The following EXT2 variants were observed in gnomAD, a reference collection of about 807,000 sequenced individuals.
EXT2 encodes exostosin-2.
In EXT2, 53 loss-of-function variants were observed where a neutral mutation model predicts 81.6. That is an observed-to-expected ratio of 0.65 (90% CI 0.52 to 0.82). EXT2 has a LOEUF of 0.82. Among genes scored for constraint, EXT2 ranks in the 40% least tolerant of loss-of-function variants. EXT2 has a pLI of 0.00. For missense variants in EXT2, 774 were observed against 910.2 expected, an observed-to-expected ratio of 0.85 and a Z score of 1.93; for synonymous variants, 320 against 340.0, an observed-to-expected ratio of 0.94 and a Z score of 0.65.
chr11:44,121,182 C>T (rs975278769), intron 4 of EXT2, among the ~76,000 whole-genome samples: 1 of 152,162 alleles, frequency 6.6e-6, no homozygotes, highest in East Asian at 1.9e-4. Context: ...AGTAAGGTAG[C>T]CTGGTGCTAC....
intron 5 of EXT2, among the ~76,000 whole-genome samples, chr11:44,125,680 AT>A (rs5791606): frequency 1.6e-3 from 235 of 148,118 alleles, no homozygotes; most frequent in Middle Eastern, 3.5e-3. Context: ...AGCTGGTGTG[AT>A]TTTTTTTTTT....
intron 8 of EXT2, among the ~76,000 whole-genome samples, chr11:44,177,590 A>G (rs538288564): frequency 5.3e-4 from 81 of 152,362 alleles, no homozygotes; most frequent in Admixed American, 2.0e-3. Context: ...AGCTTTTTAA[A>G]AACTAAATGT....
chr11:44,099,174 G>A (rs1395696566), intron 1 of EXT2, among the ~76,000 whole-genome samples: 1 of 151,526 alleles, frequency 6.6e-6, no homozygotes, highest in African/African-American at 2.4e-5. Context: ...GCTAATTTTT[G>A]GGTTTTTTTT....
At chr11:44,181,231 T>G (rs1199420907) in intron 8 of EXT2, among the ~76,000 whole-genome samples, 9 of 152,246 alleles carry the variant, frequency 5.9e-5, no homozygotes, top group Admixed American at 3.9e-4. Context: ...TTTTTCATTT[T>G]AATCTCAAAA....
chr11:44,192,284 G>A (rs546636047), intron 8 of EXT2, among the ~76,000 whole-genome samples: 1 of 152,024 alleles, frequency 6.6e-6, no homozygotes, highest in Admixed American at 6.5e-5. Flanking sequence ...AGAGGTGATT[G>A]TGTAGATCTC....
intron 9 of EXT2, among the ~76,000 whole-genome samples, chr11:44,201,478 A>C (rs1313910888): frequency 6.6e-6 from 1 of 152,230 alleles, no homozygotes; most frequent in Admixed American, 6.5e-5. Context: ...CCCATTTTAC[A>C]AAAATAAGAA....
chr11:44,174,852 A>G (rs993502749), intron 8 of EXT2, among the ~76,000 whole-genome samples: 3 of 152,214 alleles, frequency 2.0e-5, no homozygotes, highest in Admixed American at 2.0e-4. Context: ...AACAAATTCA[A>G]AGATACAGAG....
chr11:44,201,427 T>C (rs758130429), intron 9 of EXT2, among the ~76,000 whole-genome samples: 3 of 152,322 alleles, frequency 2.0e-5, no homozygotes, highest in Non-Finnish European at 1.5e-5. Flanking sequence ...GCTTATTATC[T>C]CTAGACCTTA....
At chr11:44,131,388 A>G (rs1438840527) in intron 7 of EXT2, among the ~76,000 whole-genome samples, 1 of 152,196 alleles carries the variant, frequency 6.6e-6, no homozygotes, top group East Asian at 1.9e-4. Context: ...TTCTTACCTC[A>G]GATTGCCTGG....
At chr11:44,169,882 T>C (rs1432432875) in intron 7 of EXT2, among the ~76,000 whole-genome samples, 2 of 152,116 alleles carry the variant, frequency 1.3e-5, no homozygotes, top group African/African-American at 2.4e-5. Flanking sequence ...ATAGACAAGC[T>C]TTGAGGGTAC....
At chr11:44,140,480 A>G (rs1954631146) in intron 7 of EXT2, among the ~76,000 whole-genome samples, 1 of 152,098 alleles carries the variant, frequency 6.6e-6, no homozygotes. Flanking sequence ...CCTCTATCCT[A>G]CCACTTTTCT....
intron 3 of EXT2, among the ~76,000 whole-genome samples, chr11:44,109,663 T>TA (rs1156779686): frequency 6.6e-6 from 1 of 152,170 alleles, no homozygotes; most frequent in Non-Finnish European, 1.5e-5. Flanking sequence ...ACCCAAAGCC[T>TA]ATAATGTAGA....
chr11:44,233,650 T>C (rs1192038259), intron 11 of EXT2, among the ~76,000 whole-genome samples: 1 of 152,200 alleles, frequency 6.6e-6, no homozygotes, highest in Non-Finnish European at 1.5e-5. Context: ...TTAATTTAGC[T>C]GTATTCATAT....
chr11:44,173,407 A>T (rs1411101298), intron 8 of EXT2, among the ~76,000 whole-genome samples: 1 of 151,936 alleles, frequency 6.6e-6, no homozygotes, highest in African/African-American at 2.4e-5. Context: ...TTATTTTAGC[A>T]CTAGATCATA....
intron 7 of EXT2, among the ~76,000 whole-genome samples, chr11:44,170,847 C>CAG (rs1407382319): frequency 1.4e-5 from 2 of 143,934 alleles, no homozygotes; most frequent in African/African-American, 2.6e-5. Flanking sequence ...CACACACACA[C>CAG]ACACACACAC....
At chr11:44,236,817 A>G (rs1955970753) in intron 13 of EXT2, among the ~76,000 whole-genome samples, 2 of 152,228 alleles carry the variant, frequency 1.3e-5, no homozygotes, top group African/African-American at 4.8e-5. Flanking sequence ...CCTGCCAAGA[A>G]CAGGATCGAA....
chr11:44,108,186 T>C lies in EXT2; in HGVS notation c.474T>C (p.Asp158=). 6.2e-7 allele frequency: 1 copy of C among 1,613,918 alleles called. No homozygotes were observed. The highest frequency in any genetic ancestry group is 8.5e-7 in the Non-Finnish European group (1 of 1,180,030). The change falls in exon 2 of 14, where the codon GAT becomes GAC. Residue 158 remains aspartate, a synonymous_variant. Transcript: ENST00000533608. ...CCTGTCTGTTTGTTCCCTCCATCGA[T>C]GTGCTTAACCAGAACACACTGCGCA... ...NRACLFVPSI[D]VLNQNTLRIK... is the part of the protein sequence containing the mutation.
intron 8 of EXT2, among the ~76,000 whole-genome samples, chr11:44,188,736 T>G (rs1336726404): frequency 6.6e-6 from 1 of 152,130 alleles, no homozygotes; most frequent in African/African-American, 2.4e-5. Flanking sequence ...TCAATGAAAT[T>G]GTTCAGAATG....
chr11:44,246,839 C>A lies in EXT2; in HGVS notation c.*2552C>A, dbSNP rs957351507. On this transcript the variant is annotated 3_prime_UTR_variant, in exon 14 of 14. Coordinates refer to ENST00000533608, the MANE Select transcript of EXT2 (RefSeq NM_207122.2). ...CATCTGTCCTCGGGATGCCATAGAG[C>A]CTGGTTTCAGAAGCAGAACAATCAT... Among the ~76,000 whole-genome samples the A allele has an allele frequency of 2.0e-5, 3 of 152,224 alleles. No homozygotes were observed. The highest frequency in any genetic ancestry group is 6.5e-5 in the Admixed American group (1 of 15,288).
Sources: allele counts gnomAD v4.1 joint callset (sites outside exome capture counted in the v4.1 genomes callset), GRCh38; gene constraint gnomAD v4.1.1; transcripts MANE v1.5; gene names NCBI Gene and HGNC (gene_info 2026-07-23, HGNC 2026-07-21).